The following LRRTM4 variants were observed in gnomAD, a reference collection of about 807,000 sequenced individuals.
LRRTM4 encodes leucine rich repeat transmembrane neuronal 4, also known as leucine-rich repeat transmembrane neuronal protein 4.
Under a neutral mutation model 47.6 loss-of-function variants are expected in LRRTM4, and 25 were observed. The observed-to-expected ratio is 0.53, with a 90% confidence interval of 0.38 to 0.73. The LOEUF is 0.73. Ranked by LOEUF, LRRTM4 falls within the 30% of genes least tolerant of loss-of-function variation. LRRTM4 has a pLI of 0.00. For missense variants in LRRTM4, 638 were observed against 713.4 expected, an observed-to-expected ratio of 0.89 and a Z score of 1.20; for synonymous variants, 311 against 269.5, an observed-to-expected ratio of 1.15 and a Z score of -1.51.
At chr2:76,789,920 G>T (rs1011837132) in intron 3 of LRRTM4, among the ~76,000 whole-genome samples, 3 of 152,044 alleles carry the variant, frequency 2.0e-5, no homozygotes, top group African/African-American at 7.2e-5. Flanking sequence ...TTCACTTTTA[G>T]ATGGGTTGGT....
chr2:77,427,936 G>A (rs1474557378), intron 3 of LRRTM4, among the ~76,000 whole-genome samples: 2 of 152,110 alleles, frequency 1.3e-5, no homozygotes, highest in African/African-American at 4.8e-5. Flanking sequence ...ATCTCATCTT[G>A]AATTGTAGTT....
chr2:77,254,060 T>C (rs1423568625), intron 3 of LRRTM4, among the ~76,000 whole-genome samples: 2 of 152,044 alleles, frequency 1.3e-5, no homozygotes, highest in Non-Finnish European at 2.9e-5. Flanking sequence ...ACATACATCA[T>C]ACATACATAT....
chr2:77,044,077 A>G (rs1256364258), intron 3 of LRRTM4, among the ~76,000 whole-genome samples: 1 of 151,650 alleles, frequency 6.6e-6, no homozygotes, highest in Non-Finnish European at 1.5e-5. Flanking sequence ...ATAAATAAAG[A>G]CAAAAATTAT....
chr2:77,014,040 CTG>C (rs1228842553), intron 3 of LRRTM4, among the ~76,000 whole-genome samples: 1 of 152,092 alleles, frequency 6.6e-6, no homozygotes, highest in Non-Finnish European at 1.5e-5. Context: ...AAATTCTTCA[CTG>C]TGTGTTTTGA....
chr2:77,027,330 A>T (rs1424643119), intron 3 of LRRTM4, among the ~76,000 whole-genome samples: 2 of 152,164 alleles, frequency 1.3e-5, no homozygotes, highest in Admixed American at 1.3e-4. Flanking sequence ...TGAATTAAAT[A>T]AAAAAAGAAC....
At chr2:77,247,792 G>T (rs760903902) in intron 3 of LRRTM4, among the ~76,000 whole-genome samples, 28 of 151,878 alleles carry the variant, frequency 1.8e-4, no homozygotes, top group Non-Finnish European at 3.5e-4. Flanking sequence ...TATAATAAAA[G>T]AAGTTTCACA....
At position 76,916,562 on chromosome 2, in the gene LRRTM4, T is replaced by C. The variant is rs116503294; in HGVS notation, c.1552-167646A>G. ...AGGGAAAATAAATCAAATAGGCAAT[T>C]TGCAATTAAAAATATTCATTATTTC... On this transcript the variant is annotated intron_variant, in intron 3 of 3. Coordinates refer to ENST00000409884, the MANE Select transcript of LRRTM4 (RefSeq NM_001134745.3). Among the ~76,000 whole-genome samples, 325 of 152,084 alleles carry C rather than the reference T, an allele frequency of 2.1e-3. 7 individuals carry two copies. Among genetic ancestry groups the C allele is most frequent in the African/African-American group, 7.6e-3 (316 of 41,478 alleles).
In LRRTM4 at chr2:77,061,083, T is replaced by C. The variant is rs1311796446; in HGVS notation, c.1552-312167A>G. Among the ~76,000 whole-genome samples, 4 of 151,646 alleles carry C rather than the reference T, an allele frequency of 2.6e-5. No individual in the cohort carries two copies. In the South Asian group the frequency reaches 8.3e-4, roughly 32 times the overall value. The stretch of plus-strand genomic sequence containing the variant: ...TTTTGCCACTTCCTTGATTTATTTC[T>C]AACTCTGGACAAGCCATTAGAGTTT... On this transcript the variant is annotated intron_variant, in intron 3 of 3. Transcript: ENST00000409884.
At chr2:77,460,291 A>T (rs1391332028) in intron 3 of LRRTM4, among the ~76,000 whole-genome samples, 1 of 152,098 alleles carries the variant, frequency 6.6e-6, no homozygotes, top group Non-Finnish European at 1.5e-5. Flanking sequence ...TATTAACTGC[A>T]TTTTATTATG....
chr2:77,110,078 T>C (rs774300000), intron 3 of LRRTM4, among the ~76,000 whole-genome samples: 3 of 152,192 alleles, frequency 2.0e-5, no homozygotes, highest in African/African-American at 4.8e-5. Flanking sequence ...TTTCTCAAAA[T>C]TGTTGAAAGG....
At chr2:76,749,393 T>G (rs554401348) in intron 3 of LRRTM4, among the ~76,000 whole-genome samples, 1 of 152,254 alleles carries the variant, frequency 6.6e-6, no homozygotes, top group South Asian at 2.1e-4. Flanking sequence ...TTTATTTATA[T>G]ATATAAACAT....
chr2:77,049,749 ACT>A (rs776143215), intron 3 of LRRTM4, among the ~76,000 whole-genome samples: 9 of 151,332 alleles, frequency 5.9e-5, no homozygotes, highest in Non-Finnish European at 1.2e-4. Context: ...TTGTCTCTTT[ACT>A]CTGTTTATTG....
rs146542255 is a variant in LRRTM4 at position 77,210,209 on chromosome 2, C to T, written c.1551+308109G>A. 5.1e-3 allele frequency among the ~76,000 whole-genome samples: 780 copies of T among 152,254 alleles called. 9 individuals are homozygous for T. Among genetic ancestry groups the T allele is most frequent in the African/African-American group, 0.018 (755 of 41,544 alleles). The stretch of plus-strand genomic sequence containing the variant: ...AGCTTGTACCTGATCATGTCTGGGC[C>T]TCATGATGTCTCTTTTTCATCCCAT... On this transcript the variant is annotated intron_variant, in intron 3 of 3. Coordinates refer to ENST00000409884, the MANE Select transcript of LRRTM4 (RefSeq NM_001134745.3).
At chr2:77,209,914 C>T (rs1055349284) in intron 3 of LRRTM4, among the ~76,000 whole-genome samples, 2 of 152,112 alleles carry the variant, frequency 1.3e-5, no homozygotes, top group Non-Finnish European at 2.9e-5. Context: ...TTCTACAATT[C>T]TTGCTTTTTC....
chr2:76,928,399 TAA>T (rs1277317123), intron 3 of LRRTM4, among the ~76,000 whole-genome samples: 1 of 152,172 alleles, frequency 6.6e-6, no homozygotes, highest in Non-Finnish European at 1.5e-5. Flanking sequence ...GGCTGAGATG[TAA>T]AGACTTTCAA....
intron 3 of LRRTM4, among the ~76,000 whole-genome samples, chr2:77,177,343 C>T (rs1473522182): frequency 6.6e-6 from 1 of 152,076 alleles, no homozygotes; most frequent in Non-Finnish European, 1.5e-5. Context: ...TAGACAGTAG[C>T]AGATTATTTT....
intron 3 of LRRTM4, among the ~76,000 whole-genome samples, chr2:77,477,061 T>A (rs1677428379): frequency 6.6e-6 from 1 of 151,772 alleles, no homozygotes. Flanking sequence ...AATGCACTTC[T>A]CCTGAAATAG....
At chr2:76,908,700 G>C (rs145100949) in intron 3 of LRRTM4, among the ~76,000 whole-genome samples, 1,661 of 151,864 alleles carry the variant, frequency 0.011, 35 homozygotes, top group African/African-American at 0.038. Context: ...ACACCAATAA[G>C]AGACAAACAG....
chr2:76,912,515 T>C (rs184375511), intron 3 of LRRTM4, among the ~76,000 whole-genome samples: 1 of 152,184 alleles, frequency 6.6e-6, no homozygotes, highest in African/African-American at 2.4e-5. Context: ...CAATTGGTAA[T>C]GTCGAATTCC....
Sources: gnomAD v4.1 joint callset for allele counts (sites outside exome capture counted in the v4.1 genomes callset) on GRCh38, gnomAD v4.1.1 for gene constraint, MANE v1.5 for transcripts, NCBI Gene and HGNC (gene_info 2026-07-23, HGNC 2026-07-21) for gene names.